Variants in KBTBD8 observed in about 807,000 individuals in gnomAD.
KBTBD8 encodes kelch repeat and BTB domain containing 8.
In KBTBD8, 31 loss-of-function variants were observed where a neutral mutation model predicts 53.5. That is an observed-to-expected ratio of 0.58 (90% confidence interval 0.44 to 0.78). The LOEUF is 0.78. Among genes scored for constraint, KBTBD8 ranks in the 30% least tolerant of loss-of-function variants. KBTBD8 has a pLI of 0.00. For missense variants in KBTBD8, 642 were observed against 735.8 expected (o/e 0.87, Z 1.48); for synonymous variants, 250 against 247.3 (o/e 1.01, Z -0.10).
chr3:66,998,731 C>A (rs1247341265), intron 1 of KBTBD8, among the ~76,000 whole-genome samples: 1 of 152,206 alleles, frequency 6.6e-6, no homozygotes, highest in African/African-American at 2.4e-5. Flanking sequence ...CCTCCGCGAG[C>A]ACGGGTGCCG....
intron 2 of KBTBD8, among the ~76,000 whole-genome samples, chr3:67,000,639 A>G (rs567916421): frequency 1.3e-5 from 2 of 152,328 alleles, no homozygotes; most frequent in South Asian, 4.1e-4. Flanking sequence ...CTTAGTAGCC[A>G]TATGACTCTT....
At chr3:67,005,668 ATTTC>A (rs1215967142) in intron 3 of KBTBD8, among the ~76,000 whole-genome samples, 2 of 118,274 alleles carry the variant, frequency 1.7e-5, no homozygotes, top group Non-Finnish European at 3.6e-5. Flanking sequence ...CTTTTCTTTC[ATTTC>A]TTTCTTTCTC....
intron 3 of KBTBD8, among the ~76,000 whole-genome samples, chr3:67,005,047 T>C (rs774468834): frequency 6.6e-6 from 1 of 152,224 alleles, no homozygotes; most frequent in Non-Finnish European, 1.5e-5. Flanking sequence ...ACTACTACTT[T>C]GGCAAAAATA....
Position 67,007,905 on chromosome 3 carries a change from C to CTTT in KBTBD8, c.1343-5_1343-3dup. On this transcript the variant is annotated splice_polypyrimidine_tract_variant and intron_variant, in intron 3 of 3. Transcript: ENST00000417314. ...ATAAAAATTTACATATTCTTGTTTTCTTTTTTTTTTTTTTAGGAGAATTTT... is the reference window on the plus strand; with the variant it reads ...ATAAAAATTTACATATTCTTGTTTTCTTTTTTTTTTTTTTTTTAGGAGAATTTT... The CTTT allele has an allele frequency of 3.0e-5, 35 of 1,161,752 alleles. No homozygotes were observed. The highest frequency in any genetic ancestry group is 8.7e-5 in the South Asian group (5 of 57,158). The allele number at this position is 1,161,752 out of a possible 1,614,324, so 72.0% of individuals were successfully genotyped here.
intron 2 of KBTBD8, among the ~76,000 whole-genome samples, chr3:67,000,712 TAAAAAC>T (rs1352380659): frequency 2.0e-5 from 3 of 151,970 alleles, no homozygotes; most frequent in Non-Finnish European, 2.9e-5. Context: ...ATTTGAATAG[TAAAAAC>T]AAAAACAAAA....
intron 3 of KBTBD8, among the ~76,000 whole-genome samples, chr3:67,004,658 G>A (rs913261571): frequency 2.0e-5 from 3 of 152,152 alleles, no homozygotes; most frequent in African/African-American, 7.2e-5. Context: ...TAAATAGCAA[G>A]GTTGTTACAT....
chr3:67,008,110 C>A lies in KBTBD8; in HGVS notation c.1531C>A (p.Arg511Ser). ...AYDIELNKWT[R>S]KKDFPCDQSI... ...TGATATTGAGCTAAATAAATGGACT[C>A]GTAAGAAAGACTTTCCATGTGATCA... is the stretch of plus-strand genomic sequence containing the variant. The change falls in exon 4 of 4, where the codon CGT becomes AGT. Residue 511 changes from arginine (R) to serine (S), a missense_variant. By Grantham distance (110) the Arg-to-Ser change is moderately radical. Transcript: ENST00000417314. 6.2e-7 allele frequency: 1 copy of A among 1,613,950 alleles called. No individual in the cohort carries two copies.
Position 67,008,107 on chromosome 3 carries a change from A to G in KBTBD8, c.1528A>G (p.Thr510Ala), listed in dbSNP as rs143301489. The G allele has an allele frequency of 1.2e-6, 2 of 1,613,944 alleles. No homozygotes were observed. Among genetic ancestry groups the G allele is most frequent in the African/African-American group, 2.7e-5 (2 of 74,898 alleles). ...CTATGATATTGAGCTAAATAAATGG[A>G]CTCGTAAGAAAGACTTTCCATGTGA... ...EAYDIELNKW[T>A]RKKDFPCDQS... The change falls in exon 4 of 4, where the codon ACT becomes GCT. Residue 510 changes from threonine (T) to alanine (A), a missense_variant. Transcript: ENST00000417314.
chr3:67,007,894 A>T, intron 3 of KBTBD8, 28 bp from the exon 4 acceptor site: 1 of 1,319,750 alleles, frequency 7.6e-7, no homozygotes, highest in Non-Finnish European at 1.0e-6. Flanking sequence ...AAATTTACAT[A>T]TTCTTGTTTT....
rs745410391 is a variant in KBTBD8, at chr3:66,998,970, TCTC to T, written c.17-5_17-3del. On this transcript the variant is annotated splice_region_variant and splice_polypyrimidine_tract_variant and intron_variant, in intron 1 of 3. Coordinates refer to ENST00000417314, the MANE Select transcript of KBTBD8 (RefSeq NM_032505.3). ...GCACTTCTTGTAGTTGTACGATTTT[TCTC>T]CTCCTAGATTTAAGTAAGTCTTCCC... The T allele has an allele frequency of 4.1e-5, 65 of 1,576,330 alleles. No homozygotes were observed. Among genetic ancestry groups the T allele is most frequent in the South Asian group, 1.4e-4 (12 of 87,114 alleles).
chr3:67,005,539 A>T (rs1382346417), intron 3 of KBTBD8, among the ~76,000 whole-genome samples: 2 of 152,196 alleles, frequency 1.3e-5, no homozygotes, highest in East Asian at 1.9e-4. Flanking sequence ...TCCCACAAGG[A>T]CAACTATCAC....
At chr3:66,999,333 T>C in intron 2 of KBTBD8, 142 bp downstream of exon 2, 1 of 729,830 alleles carries the variant, frequency 1.4e-6, no homozygotes, top group Non-Finnish European at 2.4e-6. Flanking sequence ...AAACAAGTCC[T>C]CTCTTAACTA....
Position 67,003,804 on chromosome 3 carries a change from G to T in KBTBD8, c.837G>T (p.Arg279Ser). The change falls in exon 3 of 4, where the codon AGG (arginine) becomes AGT (serine). Residue 279 changes from arginine to serine, a missense_variant. Coordinates refer to ENST00000417314, the MANE Select transcript of KBTBD8 (RefSeq NM_032505.3). ...GPSNTNGCTQ[R>S]LGMTASEMII... ...CCAACACCAATGGCTGTACACAGAG[G>T]CTTGGAATGACTGCTTCTGAAATGA... is the stretch of plus-strand genomic sequence containing the variant. The T allele has an allele frequency of 6.2e-7, 1 of 1,614,190 alleles. No individual in the cohort carries two copies. The highest frequency in any genetic ancestry group is 8.5e-7 in the Non-Finnish European group (1 of 1,180,022).
At position 67,003,813 on chromosome 3, in the gene KBTBD8, G is replaced by A. The variant is rs1225478205; in HGVS notation, c.846G>A (p.Met282Ile). The change falls in exon 3 of 4, where the codon ATG (methionine) becomes ATA (isoleucine). Residue 282 changes from methionine (M) to isoleucine (I), a missense_variant. Transcript: ENST00000417314. ...ATGGCTGTACACAGAGGCTTGGAAT[G>A]ACTGCTTCTGAAATGATCATATGTT... is the stretch of plus-strand genomic sequence containing the variant. The part of the protein sequence containing the change: ...NTNGCTQRLG[M>I]TASEMIICFD... 1 of 1,614,070 alleles carries A rather than the reference G, an allele frequency of 6.2e-7. No individual in the cohort carries two copies. The highest frequency in any genetic ancestry group is 8.5e-7 in the Non-Finnish European group (1 of 1,180,046).
At position 67,010,933 on chromosome 3, in the gene KBTBD8, C is replaced by T. The variant is rs756374729; in HGVS notation, c.*2548C>T. On this transcript the variant is annotated 3_prime_UTR_variant, in exon 4 of 4. Transcript: ENST00000417314. ...AAGTAGAAATTGTATTCTTTATTTT[C>T]CATCTTTGTTTTCTGTTCTACAAAG... 1 of 152,512 alleles carries T rather than the reference C, an allele frequency of 6.6e-6. No individual in the cohort carries two copies. Among genetic ancestry groups the T allele is most frequent in the African/African-American group, 2.4e-5 (1 of 41,412 alleles). 9.4% of individuals were successfully genotyped at this position (152,512 alleles called of 1,614,324 possible).
At position 67,004,214 on chromosome 3, in the gene KBTBD8, G is replaced by A; in HGVS notation, c.1247G>A (p.Ser416Asn). The change falls in exon 3 of 4, where the codon AGT becomes AAT. Residue 416 changes from serine (S) to asparagine (N), a missense_variant. Physicochemically the swap from Ser to Asn is conservative, Grantham distance 46. Transcript: ENST00000417314. The part of the protein sequence containing the change: ...NSLKSVECYD[S>N]RENCWTTVCA... ...CTAAAATCTGTTGAGTGCTACGACA[G>A]TAGAGAGAATTGTTGGACGACTGTT... The A allele has an allele frequency of 1.9e-6, 3 of 1,614,226 alleles. No individual in the cohort carries two copies. Among genetic ancestry groups the A allele is most frequent in the Non-Finnish European group, 2.5e-6 (3 of 1,180,022 alleles).
rs1702090956 is a variant in KBTBD8 at position 67,008,622 on chromosome 3, A to T, written c.*237A>T. 2.1e-6 allele frequency: 1 copy of T among 469,240 alleles called. No homozygotes were observed. The highest frequency in any genetic ancestry group is 4.3e-5 in the South Asian group (1 of 23,148). 29.1% of individuals were successfully genotyped at this position (469,240 alleles called of 1,614,324 possible). A position where few individuals can be genotyped will look rare whatever the true frequency, so the allele number is the denominator to read the frequency against. On this transcript the variant is annotated 3_prime_UTR_variant, in exon 4 of 4. Transcript: ENST00000417314. Reference sequence around the variant, plus strand: ...CATTTTTTTTTCCTGGCATAAAATTAATCATTTCATTTTATAATTTTGTGA... The same window carrying T: ...CATTTTTTTTTCCTGGCATAAAATTTATCATTTCATTTTATAATTTTGTGA...
chr3:66,998,446 G>A (rs1701982185), intron 1 of KBTBD8, 75 bp downstream of exon 1: 2 of 1,139,500 alleles, frequency 1.8e-6, no homozygotes, highest in Admixed American at 4.2e-5. Flanking sequence ...CACAGGCAGT[G>A]GGATGAGGAC....
At chr3:67,005,816 C>A (rs1298204473) in intron 3 of KBTBD8, among the ~76,000 whole-genome samples, 1 of 151,956 alleles carries the variant, frequency 6.6e-6, no homozygotes, top group Non-Finnish European at 1.5e-5. Context: ...TGCCACCATG[C>A]CTGGCTAATT....
Sources: gnomAD v4.1 joint callset for allele counts (sites outside exome capture counted in the v4.1 genomes callset) on GRCh38, gnomAD v4.1.1 for gene constraint, MANE v1.5 for transcripts, NCBI Gene and HGNC (gene_info 2026-07-23, HGNC 2026-07-21) for gene names.